Variants in STXBP5 observed in about 807,000 individuals in gnomAD.
STXBP5 encodes syntaxin-binding protein 5.
Under a neutral mutation model 152.4 loss-of-function variants are expected in STXBP5, and 50 were observed. The ratio of observed to expected loss-of-function variants is 0.33; its 90% CI spans 0.26 to 0.42. The LOEUF (loss-of-function observed/expected upper bound fraction) is 0.42. Ranked by LOEUF, STXBP5 falls within the 10% of genes least tolerant of loss-of-function variation. STXBP5 has a pLI of 1.00. For synonymous variants in STXBP5, 492 were observed against 494.7 expected (o/e 0.99, Z 0.07); for missense variants, 1,167 against 1,388.6 (o/e 0.84, Z 2.54).
At chr6:147,299,575 T>G (rs941157668) in intron 9 of STXBP5, among the ~76,000 whole-genome samples, 7 of 152,028 alleles carry the variant, frequency 4.6e-5, no homozygotes, top group South Asian at 2.1e-4. Flanking sequence ...GAATCCTCCC[T>G]AACTCATTCT....
rs186770508 is a variant in STXBP5 at position 147,385,932 on chromosome 6, A to T, written c.*1177A>T. On this transcript the variant is annotated 3_prime_UTR_variant, in exon 28 of 28. Coordinates refer to ENST00000321680, the MANE Select transcript of STXBP5 (RefSeq NM_001127715.4). ...GACCTACAAAATATTTTGTGTAGAA[A>T]TATACTATAAATCTGTACATATCCT... The T allele has an allele frequency of 5.5e-4, 84 of 152,208 alleles. No individual in the cohort carries two copies. Among genetic ancestry groups the T allele is most frequent in the African/African-American group, 1.7e-3 (72 of 41,562 alleles). The allele number at this position is 152,208 out of a possible 1,614,324, so 9.4% of individuals were successfully genotyped here. A position where few individuals can be genotyped will look rare whatever the true frequency, so the allele number is the denominator to read the frequency against.
chr6:147,369,756 G>A (rs1228760380), intron 25 of STXBP5, among the ~76,000 whole-genome samples: 1 of 152,004 alleles, frequency 6.6e-6, no homozygotes, highest in Non-Finnish European at 1.5e-5. Flanking sequence ...CTTTGAGAGT[G>A]GTTGAAATTA....
At chr6:147,271,124 A>G (rs545364405) in intron 7 of STXBP5, among the ~76,000 whole-genome samples, 30 of 152,176 alleles carry the variant, frequency 2.0e-4, no homozygotes, top group Non-Finnish European at 4.0e-4. Flanking sequence ...CAGCTATGTC[A>G]ATAATCAGAT....
chr6:147,315,033 A>G (rs1158000235), intron 14 of STXBP5, among the ~76,000 whole-genome samples: 3 of 129,406 alleles, frequency 2.3e-5, no homozygotes, highest in African/African-American at 9.9e-5. Context: ...GCAAAAAAAG[A>G]AATAATGCCT....
intron 1 of STXBP5, among the ~76,000 whole-genome samples, chr6:147,205,306 G>A: frequency 6.6e-6 from 1 of 151,172 alleles, no homozygotes; most frequent in East Asian, 1.9e-4. Context: ...ACTTGCCTCG[G>A]TTTTAATACC....
At chr6:147,238,918 A>G (rs1228446774) in intron 3 of STXBP5, among the ~76,000 whole-genome samples, 1 of 152,208 alleles carries the variant, frequency 6.6e-6, no homozygotes, top group East Asian at 1.9e-4. Flanking sequence ...AGATCCTAGT[A>G]TAGTTTTGGC....
chr6:147,359,791 C>T (rs1784982923), intron 23 of STXBP5, among the ~76,000 whole-genome samples: 1 of 151,856 alleles, frequency 6.6e-6, no homozygotes, highest in Non-Finnish European at 1.5e-5. Flanking sequence ...GACATGAACT[C>T]ATCATTTTTT....
rs1292567227 is a variant in STXBP5 at position 147,262,624 on chromosome 6, C to T, written c.630+271C>T. On this transcript the variant is annotated intron_variant, in intron 6 of 27. Coordinates refer to ENST00000321680, the MANE Select transcript of STXBP5 (RefSeq NM_001127715.4). ...TTAATTTATATTTGGCTTATTCAGA[C>T]TGTTTTCCCTGATTTTCTGTTAATC... Among the ~76,000 whole-genome samples, 3 of 152,014 alleles carry T rather than the reference C, an allele frequency of 2.0e-5. No homozygotes were observed. The East Asian group carries it at 5.8e-4, about 29-fold the overall frequency.
chr6:147,335,903 T>C (rs528346656), intron 19 of STXBP5, among the ~76,000 whole-genome samples: 1 of 152,348 alleles, frequency 6.6e-6, no homozygotes, highest in South Asian at 2.1e-4. Flanking sequence ...TATATTTTGC[T>C]CTTTGGTCCA....
Position 147,239,216 on chromosome 6 carries a change from A to G in STXBP5, c.377A>G (p.Asn126Ser), listed in dbSNP as rs1488895941. Residue 126 changes from asparagine (N) to serine (S), a missense_variant, in exon 4 of 28, where the codon AAT becomes AGT. Transcript: ENST00000321680. The part of the protein sequence containing the change: ...ALADDTLHLW[N>S]LRQKRPAILH... ...GCTGATGACACCTTACACTTATGGA[A>G]TTTACGTCAGAAGAGGCCTGCCATA... 1.9e-6 allele frequency: 3 copies of G among 1,613,802 alleles called. No individual in the cohort carries two copies. Among genetic ancestry groups the G allele is most frequent in the Non-Finnish European group, 2.5e-6 (3 of 1,179,826 alleles).
chr6:147,372,225 G>C (rs530990538), intron 25 of STXBP5, among the ~76,000 whole-genome samples: 1 of 151,850 alleles, frequency 6.6e-6, no homozygotes, highest in South Asian at 2.1e-4. Flanking sequence ...ATGCAATCTG[G>C]GTGGAGGGAT....
intron 18 of STXBP5, 142 bp from the exon 19 acceptor site, chr6:147,334,015 T>C (rs1783708261): frequency 3.3e-6 from 2 of 614,490 alleles, no homozygotes; most frequent in Admixed American, 3.4e-5. Flanking sequence ...TCAAACCCAA[T>C]GTGCATGGTA....
intron 2 of STXBP5, among the ~76,000 whole-genome samples, chr6:147,227,527 C>T (rs1777780871): frequency 6.6e-6 from 1 of 152,132 alleles, no homozygotes; most frequent in Non-Finnish European, 1.5e-5. Context: ...TATCTCCCCT[C>T]CCCTGTAGTC....
At chr6:147,234,009 C>G (rs1778147819) in intron 2 of STXBP5, among the ~76,000 whole-genome samples, 2 of 151,210 alleles carry the variant, frequency 1.3e-5, no homozygotes. Flanking sequence ...GGAAAAAACT[C>G]TTGAAAATGA....
At chr6:147,359,638 G>A (rs899501285) in intron 23 of STXBP5, among the ~76,000 whole-genome samples, 5 of 121,282 alleles carry the variant, frequency 4.1e-5, no homozygotes, top group Admixed American at 1.2e-4. Flanking sequence ...AGTTCCTAGA[G>A]TGTGATGTTC....
chr6:147,316,105 T>C (rs1782630145), intron 15 of STXBP5, 124 bp from the exon 16 acceptor site: 6 of 996,400 alleles, frequency 6.0e-6, no homozygotes, highest in Non-Finnish European at 7.2e-6. Context: ...CTTGCTAAAT[T>C]TTTACCTTTA....
intron 2 of STXBP5, among the ~76,000 whole-genome samples, chr6:147,215,256 A>G (rs1777101312): frequency 6.6e-6 from 1 of 152,270 alleles, no homozygotes; most frequent in Admixed American, 6.5e-5. Flanking sequence ...TAAAGGATAT[A>G]CAGAGAAGAA....
At chr6:147,270,504 A>G (rs187776538) in intron 7 of STXBP5, among the ~76,000 whole-genome samples, 3 of 152,162 alleles carry the variant, frequency 2.0e-5, no homozygotes, top group East Asian at 1.9e-4. Flanking sequence ...AAATTTGTCA[A>G]CCTAGAACTT....
rs1159372834 is a variant in STXBP5 at position 147,213,434 on chromosome 6, A to ATGTGTGTGTG, written c.248+7401_248+7410dup. 2.5e-3 allele frequency among the ~76,000 whole-genome samples: 210 copies of ATGTGTGTGTG among 85,566 alleles called. 1 individual carries two copies. Among genetic ancestry groups the ATGTGTGTGTG allele is most frequent in the East Asian group, 5.6e-3 (12 of 2,130 alleles). The allele number at this position is 85,566 out of a possible 152,430, so 56.1% of individuals were successfully genotyped here. On this transcript the variant is annotated intron_variant, in intron 2 of 27. Coordinates refer to ENST00000321680, the MANE Select transcript of STXBP5 (RefSeq NM_001127715.4). Reference sequence around the variant, plus strand: ...TCACCTGGCTCACATAATTTTATATATGTGTGTGTGTGTGTGTGTGTGTGT... The same window carrying ATGTGTGTGTG: ...TCACCTGGCTCACATAATTTTATATATGTGTGTGTGTGTGTGTGTGTGTGTGTGTGTGTGT...
Sources: allele counts gnomAD v4.1 joint callset (sites outside exome capture counted in the v4.1 genomes callset), GRCh38; gene constraint gnomAD v4.1.1; transcripts MANE v1.5; gene names NCBI Gene and HGNC (gene_info 2026-07-23, HGNC 2026-07-21).